The following TM9SF4 variants were observed in gnomAD, a reference collection of about 807,000 sequenced individuals.
TM9SF4 encodes dinucleotide oxidase disulfide thiol exchanger 3 superfamily member 4.
Under a neutral mutation model 90.4 loss-of-function variants are expected in TM9SF4, and 26 were observed. That is an observed-to-expected ratio of 0.29 (90% confidence interval 0.21 to 0.40). The LOEUF (loss-of-function observed/expected upper bound fraction) is 0.40. Ranked by LOEUF, TM9SF4 falls within the 10% of genes least tolerant of loss-of-function variation. TM9SF4 has a pLI of 1.00. For synonymous variants in TM9SF4, 293 were observed against 315.4 expected (o/e 0.93, Z 0.75); for missense variants, 549 against 834.8 (o/e 0.66, Z 4.22).
intron 1 of TM9SF4, among the ~76,000 whole-genome samples, chr20:32,129,593 G>C (rs1241907063): frequency 1.3e-5 from 2 of 148,872 alleles, no homozygotes; most frequent in South Asian, 4.2e-4. Context: ...ATTGTAAGTA[G>C]TGAATTTTTT....
At chr20:32,129,670 C>T (rs1051448784) in intron 1 of TM9SF4, among the ~76,000 whole-genome samples, 21 of 151,088 alleles carry the variant, frequency 1.4e-4, no homozygotes, top group Admixed American at 1.1e-3. Flanking sequence ...CTGCAACTTC[C>T]GCCTCCCGGG....
chr20:32,136,530 C>T (rs764100359), intron 3 of TM9SF4, among the ~76,000 whole-genome samples: 7 of 152,224 alleles, frequency 4.6e-5, no homozygotes, highest in Middle Eastern at 3.4e-3. Flanking sequence ...TCCTCTCTTG[C>T]GGCTTCATCA....
chr20:32,145,050 C>T, intron 6 of TM9SF4, 41 bp from the exon 7 acceptor site: 5 of 1,597,802 alleles, frequency 3.1e-6, no homozygotes, highest in Non-Finnish European at 4.3e-6. Flanking sequence ...GGCAGTGGCA[C>T]TGGCCACCAC....
chr20:32,161,406 G>A, intron 17 of TM9SF4, 41 bp downstream of exon 17: 1 of 1,586,684 alleles, frequency 6.3e-7, no homozygotes, highest in African/African-American at 1.3e-5. Flanking sequence ...TCCTCATAGG[G>A]TAGGAAGGTC....
intron 1 of TM9SF4, among the ~76,000 whole-genome samples, chr20:32,128,197 A>G (rs994048249): frequency 6.6e-6 from 1 of 152,134 alleles, no homozygotes; most frequent in African/African-American, 2.4e-5. Context: ...TCCCTAGCAT[A>G]TGATAGCCAC....
chr20:32,139,017 G>A (rs2281359), intron 3 of TM9SF4, among the ~76,000 whole-genome samples: 63,944 of 151,772 alleles, frequency 0.42, 13,776 homozygotes, highest in East Asian at 0.74. Flanking sequence ...CCATCCCTGG[G>A]TTTTGCAGAC....
At chr20:32,161,395 G>A (rs750944171) in intron 17 of TM9SF4, 30 bp downstream of exon 17, 6 of 1,596,460 alleles carry the variant, frequency 3.8e-6, no homozygotes, top group Middle Eastern at 1.7e-4. Flanking sequence ...GGTCCTCTTA[G>A]TCCTCATAGG....
At chr20:32,120,813 T>G (rs954110759) in intron 1 of TM9SF4, among the ~76,000 whole-genome samples, 3 of 152,072 alleles carry the variant, frequency 2.0e-5, no homozygotes, top group African/African-American at 7.2e-5. Context: ...TAAGTTCCCT[T>G]CTAGTCCTAA....
At chr20:32,123,023 G>C (rs1463501826) in intron 1 of TM9SF4, among the ~76,000 whole-genome samples, 1 of 151,024 alleles carries the variant, frequency 6.6e-6, no homozygotes, top group Admixed American at 6.6e-5. Flanking sequence ...ACGAAAACCA[G>C]TCAGGCGTGG....
In TM9SF4 at chr20:32,142,974, T is replaced by A; in HGVS notation, c.529-8T>A. ...TTCTGTTGTGCTTTCTCTGTTGCTG[T>A]GTTTCAGATCTACCTGCACAACCAC... On this transcript the variant is annotated splice_polypyrimidine_tract_variant and splice_region_variant and intron_variant, in intron 5 of 17. Transcript: ENST00000398022. 1 of 1,612,588 alleles carries A rather than the reference T, an allele frequency of 6.2e-7. No individual in the cohort carries two copies. Among genetic ancestry groups the A allele is most frequent in the Non-Finnish European group, 8.5e-7 (1 of 1,179,094 alleles).
chr20:32,117,637 G>GC (rs11380135), intron 1 of TM9SF4, among the ~76,000 whole-genome samples: 6,345 of 61,738 alleles, frequency 0.1, 450 homozygotes, highest in African/African-American at 0.28. Context: ...ACCCACCCCC[G>GC]CCCCCCCAAG....
At chr20:32,113,840 G>A (rs1257400269) in intron 1 of TM9SF4, among the ~76,000 whole-genome samples, 1 of 152,136 alleles carries the variant, frequency 6.6e-6, no homozygotes, top group Non-Finnish European at 1.5e-5. Flanking sequence ...ACAGCCCTAG[G>A]CAACTACTAA....
At chr20:32,161,395 G>C (rs750944171) in intron 17 of TM9SF4, 30 bp downstream of exon 17, 4 of 1,596,460 alleles carry the variant, frequency 2.5e-6, no homozygotes, top group Non-Finnish European at 8.6e-7. Flanking sequence ...GGTCCTCTTA[G>C]TCCTCATAGG....
chr20:32,150,993 C>G (rs958104339), intron 12 of TM9SF4, 118 bp downstream of exon 12: 4 of 1,208,472 alleles, frequency 3.3e-6, no homozygotes, highest in Non-Finnish European at 4.7e-6. Context: ...TGAGCAGCAG[C>G]AAGACATAGC....
chr20:32,149,067 C>A (rs1302849780), intron 9 of TM9SF4, among the ~76,000 whole-genome samples: 2 of 152,108 alleles, frequency 1.3e-5, no homozygotes, highest in Non-Finnish European at 2.9e-5. Context: ...ATAGTGTGAT[C>A]CCAATGTTAT....
chr20:32,137,543 C>T (rs1008720465), intron 3 of TM9SF4, among the ~76,000 whole-genome samples: 13 of 152,210 alleles, frequency 8.5e-5, no homozygotes, highest in Admixed American at 7.9e-4. Context: ...GTAGTGCCTG[C>T]CTTCATGGCC....
In TM9SF4 at chr20:32,146,831, C is replaced by T. The variant is rs369601491; in HGVS notation, c.930C>T (p.Ala310=). Residue 310 remains alanine, a synonymous_variant, in exon 9 of 18, where the codon GCC becomes GCT. Coordinates refer to ENST00000398022, the MANE Select transcript of TM9SF4 (RefSeq NM_014742.4). ...TTCGGACCCTCCGGAAGGACATTGC[C>T]AACTACAACAAGGAGGATGACATTG... The part of the protein sequence containing the change: ...IIIRTLRKDI[A]NYNKEDDIED... 2.5e-6 allele frequency: 4 copies of T among 1,613,828 alleles called. No individual in the cohort carries two copies. The South Asian group carries it at 3.3e-5, about 13-fold the overall frequency.
chr20:32,131,044 C>T (rs938244235), intron 1 of TM9SF4, among the ~76,000 whole-genome samples: 1 of 152,150 alleles, frequency 6.6e-6, no homozygotes, highest in African/African-American at 2.4e-5. Flanking sequence ...GAAAAAAATA[C>T]TGTCTTCCTA....
In TM9SF4 at chr20:32,155,128, T is replaced by C. The variant is rs2046900541; in HGVS notation, c.1271T>C (p.Val424Ala). The change falls in exon 13 of 18, where the codon GTT (valine) becomes GCT (alanine). Residue 424 changes from valine to alanine, a missense_variant. By Grantham distance (64) the Val-to-Ala change is moderately conservative. Around this residue, in one of 2 missense-constraint regions of TM9SF4, gnomAD observed 495 missense variants for 711.7 expected, o/e 0.70. Coordinates refer to ENST00000398022, the MANE Select transcript of TM9SF4 (RefSeq NM_014742.4). ...FCTATLYPGV[V>A]FGICFVLNCF... ...ACGGCAACTCTGTACCCTGGTGTGG[T>C]TTTTGGCATCTGCTTCGTATTGAAT... is the stretch of plus-strand genomic sequence containing the variant. 2 of 1,613,698 alleles carry C rather than the reference T, an allele frequency of 1.2e-6. No homozygotes were observed. Among genetic ancestry groups the C allele is most frequent in the South Asian group, 2.2e-5 (2 of 91,072 alleles).
Sources: gnomAD v4.1 joint callset for allele counts (sites outside exome capture counted in the v4.1 genomes callset) on GRCh38, gnomAD v4.1.1 for gene constraint, gnomAD v4.1.1 regional missense constraint, MANE v1.5 for transcripts, NCBI Gene and HGNC (gene_info 2026-07-23, HGNC 2026-07-21) for gene names.